NRXN1: variants seen among roughly 807,000 people sequenced by gnomAD.
NRXN1 encodes the protein neurexin 1, also known as neurexin-1.
A neutral mutation model predicts 150.9 loss-of-function variants in NRXN1; 39 were observed. The observed-to-expected ratio is 0.26, with a 90% CI of 0.20 to 0.34. The LOEUF is 0.34. NRXN1 is among the 10% of genes least tolerant of loss of function. The pLI is 1.00. For synonymous variants in NRXN1, 924 were observed against 757.0 expected (o/e 1.22, Z -3.62); for missense variants, 1,815 against 1,949.9 (o/e 0.93, Z 1.30).
At position 50,266,002 on chromosome 2, in the gene NRXN1, ATTTTTTT is replaced by A. The variant is rs747310591; in HGVS notation, c.3365-29039_3365-29033del. 3.9e-3 allele frequency among the ~76,000 whole-genome samples: 333 copies of A among 84,674 alleles called. 3 individuals are homozygous for A. Among genetic ancestry groups the A allele is most frequent in the South Asian group, 0.026 (69 of 2,700 alleles). The allele number at this position is 84,674 out of a possible 152,430, so 55.5% of individuals were successfully genotyped here. A position where few individuals can be genotyped will look rare whatever the true frequency, so the allele number is the denominator to read the frequency against. Reference sequence around the variant, plus strand: ...ATTATTATTATTATTATTATTATTTATTTTTTTTTTTTTTGAGATAGAGTCTCACTCT... The same window carrying A: ...ATTATTATTATTATTATTATTATTTATTTTTTTGAGATAGAGTCTCACTCT... On this transcript the variant is annotated intron_variant, in intron 17 of 22. Transcript: ENST00000401669.
intron 22 of NRXN1, among the ~76,000 whole-genome samples, chr2:49,942,842 G>A (rs377387925): frequency 2.0e-5 from 3 of 152,024 alleles, no homozygotes; most frequent in Non-Finnish European, 2.9e-5. Context: ...ACTCCTGACC[G>A]CAAGTGATCT....
At chr2:50,201,912 A>G (rs2062194862) in intron 18 of NRXN1, among the ~76,000 whole-genome samples, 1 of 152,058 alleles carries the variant, frequency 6.6e-6, no homozygotes, top group African/African-American at 2.4e-5. Context: ...CCTTTTCCTT[A>G]CCTGTATTTA....
At chr2:50,735,910 T>G (rs1427496371) in intron 5 of NRXN1, among the ~76,000 whole-genome samples, 1 of 152,220 alleles carries the variant, frequency 6.6e-6, no homozygotes, top group East Asian at 1.9e-4. Context: ...TGATAGCAAC[T>G]ACTGCAATAG....
chr2:50,483,895 C>A (rs2090672628), intron 15 of NRXN1, among the ~76,000 whole-genome samples: 1 of 152,116 alleles, frequency 6.6e-6, no homozygotes, highest in African/African-American at 2.4e-5. Context: ...GTGTATAGAA[C>A]AATTAGACTT....
rs562751569 is a variant in NRXN1 at position 50,514,012 on chromosome 2, C to G, written c.2375-7395G>C. On this transcript the variant is annotated intron_variant, in intron 12 of 22. Coordinates refer to ENST00000401669, the MANE Select transcript of NRXN1 (RefSeq NM_001330078.2). ...ACCCTGCTTCTGGTATATATATACTCTGGTACAGTGCAAACCAATTGGTTC... is the reference window on the plus strand; with the variant it reads ...ACCCTGCTTCTGGTATATATATACTGTGGTACAGTGCAAACCAATTGGTTC... Among the ~76,000 whole-genome samples, 4 of 152,234 alleles carry G rather than the reference C, an allele frequency of 2.6e-5. No homozygotes were observed. The East Asian group carries it at 7.7e-4, about 29-fold the overall frequency.
intron 18 of NRXN1, among the ~76,000 whole-genome samples, chr2:50,234,050 T>C (rs1333565981): frequency 2.0e-5 from 3 of 152,068 alleles, no homozygotes; most frequent in African/African-American, 2.4e-5. Flanking sequence ...CTTCTTGGCT[T>C]CCTGTCTGGT....
At chr2:50,024,707 A>G (rs1434233183) in intron 21 of NRXN1, among the ~76,000 whole-genome samples, 1 of 151,980 alleles carries the variant, frequency 6.6e-6, no homozygotes, top group Non-Finnish European at 1.5e-5. Flanking sequence ...CTTTGCCTCC[A>G]GGATTCAAGC....
intron 5 of NRXN1, among the ~76,000 whole-genome samples, chr2:50,665,246 C>T (rs986986871): frequency 2.6e-5 from 4 of 151,890 alleles, no homozygotes; most frequent in Admixed American, 2.6e-4. Flanking sequence ...GACTCTAAAA[C>T]ACTATCTACT....
chr2:49,951,942 A>C (rs573841243), intron 21 of NRXN1, among the ~76,000 whole-genome samples: 1 of 151,990 alleles, frequency 6.6e-6, no homozygotes, highest in Non-Finnish European at 1.5e-5. Context: ...CCAAGCTTTC[A>C]TTGTTGCCAT....
At chr2:50,205,112 C>A (rs2152837594) in intron 18 of NRXN1, among the ~76,000 whole-genome samples, 1 of 152,092 alleles carries the variant, frequency 6.6e-6, no homozygotes, top group Admixed American at 6.6e-5. Flanking sequence ...GAGTCACACA[C>A]AAATAAGTGA....
At chr2:50,289,128 C>G (rs2072579066) in intron 17 of NRXN1, among the ~76,000 whole-genome samples, 1 of 151,974 alleles carries the variant, frequency 6.6e-6, no homozygotes, top group African/African-American at 2.4e-5. Flanking sequence ...TGGGAAATGA[C>G]TTAGAGGAGA....
At chr2:50,086,784 T>A (rs149350594) in intron 19 of NRXN1, among the ~76,000 whole-genome samples, 281 of 149,512 alleles carry the variant, frequency 1.9e-3, no homozygotes, top group African/African-American at 6.6e-3. Context: ...GAATAATTGC[T>A]GGTTAAAAGA....
chr2:50,641,951 C>T (rs1243683244), intron 5 of NRXN1, among the ~76,000 whole-genome samples: 2 of 152,106 alleles, frequency 1.3e-5, no homozygotes, highest in East Asian at 1.9e-4. Flanking sequence ...TATTCTCTTA[C>T]ACTTATGCAC....
At chr2:50,829,027 GAC>G (rs1670980412) in intron 5 of NRXN1, among the ~76,000 whole-genome samples, 1 of 152,192 alleles carries the variant, frequency 6.6e-6, no homozygotes, top group Non-Finnish European at 1.5e-5. Context: ...AGGAGCTGGA[GAC>G]CAGCCCAGCC....
intron 17 of NRXN1, among the ~76,000 whole-genome samples, chr2:50,439,739 C>T (rs2104440257): frequency 6.6e-6 from 1 of 151,448 alleles, no homozygotes; most frequent in South Asian, 2.1e-4. Flanking sequence ...ATGGCGTGAA[C>T]CTGGGAGGCA....
chr2:50,494,944 T>C (rs1245245313), intron 15 of NRXN1, among the ~76,000 whole-genome samples: 2 of 151,644 alleles, frequency 1.3e-5, no homozygotes, highest in African/African-American at 4.9e-5. Flanking sequence ...GGCAGGAGAA[T>C]TGCTTGAACC....
chr2:50,302,106 G>GAA (rs5831111), intron 17 of NRXN1, among the ~76,000 whole-genome samples: 11 of 151,442 alleles, frequency 7.3e-5, no homozygotes, highest in East Asian at 5.8e-4. Context: ...AGATATGTAG[G>GAA]AAAAAAAATG....
intron 19 of NRXN1, among the ~76,000 whole-genome samples, chr2:50,084,315 G>C (rs1698457956): frequency 6.6e-6 from 1 of 152,172 alleles, no homozygotes. Context: ...GGGAGGGGAG[G>C]CTCAGGCATG....
intron 5 of NRXN1, among the ~76,000 whole-genome samples, chr2:50,789,973 T>A (rs9309200): frequency 1.3e-5 from 2 of 152,038 alleles, no homozygotes; most frequent in Non-Finnish European, 2.9e-5. Context: ...AAAGCAGGAT[T>A]GGCTCTTATC....
Sources: allele counts gnomAD v4.1 joint callset (sites outside exome capture counted in the v4.1 genomes callset), GRCh38; gene constraint gnomAD v4.1.1; transcripts MANE v1.5; gene names NCBI Gene and HGNC (gene_info 2026-07-23, HGNC 2026-07-21).